Variants in IQCJ observed in about 807,000 individuals in gnomAD.
The protein encoded by IQCJ is IQ motif containing J, also known as IQ domain-containing protein J.
IQCJ carries 9 observed loss-of-function variants against 11.0 expected under a neutral mutation model. The observed-to-expected ratio is 0.82, with a 90% CI of 0.49 to 1.43. IQCJ has a LOEUF of 1.43. IQCJ is among the 40% of genes most tolerant of loss of function. The pLI, the probability that IQCJ is intolerant of heterozygous loss-of-function variation, is 0.00. For missense variants in IQCJ, 146 were observed against 133.2 expected (o/e 1.10, Z -0.47); for synonymous variants, 55 against 51.3 (o/e 1.07, Z -0.31).
At chr3:159,124,936 A>G (rs1018944408) in intron 1 of IQCJ, among the ~76,000 whole-genome samples, 2 of 152,164 alleles carry the variant, frequency 1.3e-5, no homozygotes, top group African/African-American at 2.4e-5. Flanking sequence ...AGCACAACAT[A>G]CTCGCAAGGT....
At chr3:159,125,850 C>T (rs1466842466) in intron 1 of IQCJ, among the ~76,000 whole-genome samples, 1 of 152,168 alleles carries the variant, frequency 6.6e-6, no homozygotes, top group Non-Finnish European at 1.5e-5. Context: ...TGGGGCACCT[C>T]CAGTAGGAGC....
At chr3:159,265,201 G>C (rs1457783911), downstream of IQCJ, 5 of 1,610,412 alleles carry the variant, frequency 3.1e-6, no homozygotes, top group East Asian at 1.1e-4. Context: ...TGTTTTATCT[G>C]CTGTGATCAT....
At chr3:159,184,140 T>C (rs941571550) in intron 1 of IQCJ, among the ~76,000 whole-genome samples, 10 of 152,062 alleles carry the variant, frequency 6.6e-5, no homozygotes, top group African/African-American at 2.2e-4. Flanking sequence ...TCACCCCCGC[T>C]CACCTCTCCA....
intron 1 of IQCJ, among the ~76,000 whole-genome samples, chr3:159,178,788 G>A (rs1722928080): frequency 6.6e-6 from 1 of 152,066 alleles, no homozygotes; most frequent in African/African-American, 2.4e-5. Flanking sequence ...CTCAGTTGTA[G>A]GAGAAAACAG....
chr3:159,215,278 T>C (rs571723172), intron 1 of IQCJ, among the ~76,000 whole-genome samples: 1 of 152,294 alleles, frequency 6.6e-6, no homozygotes, highest in South Asian at 2.1e-4. Flanking sequence ...TTCAGATTCC[T>C]CTTTTCCTCT....
intron 1 of IQCJ, among the ~76,000 whole-genome samples, chr3:159,153,491 C>T (rs1031088656): frequency 9.2e-5 from 14 of 152,190 alleles, no homozygotes; most frequent in Non-Finnish European, 1.5e-4. Flanking sequence ...CTTCATTCAA[C>T]AAGTATTATT....
At chr3:159,094,567 C>T (rs1325532209) in intron 1 of IQCJ, among the ~76,000 whole-genome samples, 2 of 151,182 alleles carry the variant, frequency 1.3e-5, no homozygotes, top group African/African-American at 2.4e-5. Context: ...TTCCATCCTT[C>T]AATGTTGTCT....
At position 159,263,073 on chromosome 3, in the gene IQCJ, A is replaced by G. The variant is rs1053156370; in HGVS notation, c.*342A>G. On this transcript the variant is annotated 3_prime_UTR_variant, in exon 4 of 4. Transcript: ENST00000397832. Reference sequence around the variant, plus strand: ...AAGGAGTAGAAAGAGAACTTTTACCAGAAGAATTGAAAGTGGTCACACACT... The same window carrying G: ...AAGGAGTAGAAAGAGAACTTTTACCGGAAGAATTGAAAGTGGTCACACACT... The G allele has an allele frequency of 4.7e-5, 47 of 999,170 alleles. No individual in the cohort carries two copies. The highest frequency in any genetic ancestry group is 4.4e-5 in the Non-Finnish European group (37 of 838,092). The allele number at this position is 999,170 out of a possible 1,614,324, so 61.9% of individuals were successfully genotyped here.
intron 1 of IQCJ, among the ~76,000 whole-genome samples, chr3:159,124,718 T>G (rs1577024384): frequency 6.6e-6 from 1 of 152,314 alleles, no homozygotes; most frequent in Admixed American, 6.5e-5. Flanking sequence ...TTGCAACCGT[T>G]GCAACACCAG....
intron 1 of IQCJ, among the ~76,000 whole-genome samples, chr3:159,109,808 G>A (rs939540040): frequency 2.6e-5 from 4 of 152,140 alleles, no homozygotes; most frequent in African/African-American, 9.7e-5. Context: ...ATCTTAAGAT[G>A]TTCCACTTCA....
intron 1 of IQCJ, among the ~76,000 whole-genome samples, chr3:159,088,034 C>T (rs1716928714): frequency 1.3e-5 from 2 of 151,854 alleles, no homozygotes; most frequent in Admixed American, 6.6e-5. Context: ...TAGATCTTTC[C>T]TGCTTTCTCT....
intron 1 of IQCJ, among the ~76,000 whole-genome samples, chr3:159,200,739 G>T (rs1577076621): frequency 1.3e-5 from 2 of 152,196 alleles, no homozygotes; most frequent in Non-Finnish European, 2.9e-5. Context: ...GGACAGAGAG[G>T]AAAAGGATAT....
chr3:159,262,403 A>T, intron 3 of IQCJ, 145 bp from the exon 4 acceptor site: 2 of 1,289,662 alleles, frequency 1.6e-6, no homozygotes, highest in Non-Finnish European at 2.1e-6. Flanking sequence ...AGGTCTCCTG[A>T]TTCACTACAT....
chr3:159,236,285 A>C (rs992077539), intron 1 of IQCJ, among the ~76,000 whole-genome samples: 3 of 151,828 alleles, frequency 2.0e-5, no homozygotes, highest in African/African-American at 2.4e-5. Flanking sequence ...AAAAAAAAAA[A>C]ACCAAGGAAT....
At chr3:159,131,928 TC>T in intron 1 of IQCJ, among the ~76,000 whole-genome samples, 1 of 149,246 alleles carries the variant, frequency 6.7e-6, no homozygotes, top group South Asian at 2.2e-4. Context: ...TTACATCAAA[TC>T]CACTCTTTTA....
At chr3:159,069,843 T>TTGTGTGTG (rs34425057) in intron 1 of IQCJ, 19 of 300,612 alleles carry the variant, frequency 6.3e-5, no homozygotes, top group East Asian at 1.9e-4. Flanking sequence ...CCCTCCTTTC[T>TTGTGTGTG]TGTGTGTGTG....
intron 1 of IQCJ, among the ~76,000 whole-genome samples, chr3:159,129,693 T>C (rs748058003): frequency 6.6e-6 from 1 of 152,182 alleles, no homozygotes; most frequent in Admixed American, 6.6e-5. Flanking sequence ...AGTTTTAGCA[T>C]ATAGAAACAT....
chr3:159,151,399 T>G (rs1721207563), intron 1 of IQCJ, among the ~76,000 whole-genome samples: 3 of 152,188 alleles, frequency 2.0e-5, no homozygotes. Flanking sequence ...GGCTCGGCTC[T>G]GTCCTCAGCA....
In IQCJ at chr3:159,164,544, G is replaced by T. The variant is rs371069720; in HGVS notation, c.10-81299G>T. Among the ~76,000 whole-genome samples, 9 of 152,202 alleles carry T rather than the reference G, an allele frequency of 5.9e-5. 1 individual carries two copies. The highest frequency in any genetic ancestry group is 5.8e-4 in the East Asian group (3 of 5,200). ...GCACTTTGTAAGGCCAAGGTGGGCG[G>T]ATCACCTGAGGTCAGGAGTTCGAGA... On this transcript the variant is annotated intron_variant, in intron 1 of 3. Coordinates refer to ENST00000397832, the MANE Select transcript of IQCJ (RefSeq NM_001042706.3).
Sources: gnomAD v4.1 joint callset for allele counts (sites outside exome capture counted in the v4.1 genomes callset) on GRCh38, gnomAD v4.1.1 for gene constraint, MANE v1.5 for transcripts, NCBI Gene and HGNC (gene_info 2026-07-23, HGNC 2026-07-21) for gene names.